NUP153: variants seen among roughly 807,000 people sequenced by gnomAD.
NUP153 encodes nuclear pore complex protein Nup153.
Under a neutral mutation model 134.6 loss-of-function variants are expected in NUP153, and 27 were observed. That is an observed-to-expected ratio of 0.20 (90% confidence interval 0.15 to 0.28). The LOEUF (loss-of-function observed/expected upper bound fraction) is 0.28, where lower values mean the gene tolerates loss of function less well. Among genes scored for constraint, NUP153 ranks in the 10% least tolerant of loss-of-function variants. The pLI, the probability that NUP153 is intolerant of heterozygous loss-of-function variation, is 1.00. For missense variants in NUP153, 1,821 were observed against 1,731.3 expected, an observed-to-expected ratio of 1.05 and a Z score of -0.92; for synonymous variants, 640 against 623.5, an observed-to-expected ratio of 1.03 and a Z score of -0.40.
chr6:17,671,847 A>G (rs1481868411), intron 5 of NUP153, among the ~76,000 whole-genome samples: 5 of 152,108 alleles, frequency 3.3e-5, no homozygotes, highest in African/African-American at 1.2e-4. Flanking sequence ...GTCTCTACTA[A>G]AAATACAAAA....
intron 18 of NUP153, among the ~76,000 whole-genome samples, chr6:17,627,283 G>A (rs1252776805): frequency 1.3e-5 from 2 of 152,124 alleles, no homozygotes; most frequent in Admixed American, 1.3e-4. Flanking sequence ...CAAATAATAT[G>A]TAATTTTAGT....
rs750782101 is a variant in NUP153 at position 17,629,202 on chromosome 6, T to C, written c.2997A>G (p.Gln999=). Residue 999 remains glutamine, a synonymous_variant, in exon 18 of 22, where the codon CAA becomes CAG. Coordinates refer to ENST00000262077, the MANE Select transcript of NUP153 (RefSeq NM_005124.4). ...CCTGTCCAAGATTAGATACCCCAAA[T>C]TGAAATGGAGTTAAAGAAACTGGGT... ...LSNPVSLTPF[Q]FGVSNLGQEE... The C allele has an allele frequency of 1.1e-5, 17 of 1,613,370 alleles. No individual in the cohort carries two copies. The highest frequency in any genetic ancestry group is 5.0e-5 in the Admixed American group (3 of 59,826).
intron 1 of NUP153, among the ~76,000 whole-genome samples, chr6:17,701,076 T>C (rs1770029745): frequency 6.6e-6 from 1 of 151,604 alleles, no homozygotes; most frequent in African/African-American, 2.4e-5. Flanking sequence ...AAATACAAAA[T>C]TAGCTGGGAG....
chr6:17,632,970 AAC>A (rs1242986070), intron 16 of NUP153, 126 bp from the exon 17 acceptor site: 3 of 661,540 alleles, frequency 4.5e-6, no homozygotes, highest in African/African-American at 1.8e-5. Context: ...TTCCTATTAA[AAC>A]ACAGAATGTG....
At chr6:17,664,822 G>C (rs1399239695) in intron 9 of NUP153, among the ~76,000 whole-genome samples, 1 of 152,076 alleles carries the variant, frequency 6.6e-6, no homozygotes, top group Non-Finnish European at 1.5e-5. Context: ...GGAGGCCAAG[G>C]CAGGTGGGTC....
intron 5 of NUP153, 41 bp from the exon 6 acceptor site, chr6:17,669,587 C>T (rs764609857): frequency 5.2e-5 from 68 of 1,307,848 alleles, no homozygotes; most frequent in Admixed American, 1.2e-4. Flanking sequence ...AACATAAAAT[C>T]TAAGGCACAT....
In NUP153 at chr6:17,637,871, C is replaced by T; in HGVS notation, c.1847-101G>A. On this transcript the variant is annotated intron_variant, in intron 15 of 21. Transcript: ENST00000262077. ...GAGAAGACGTTTACCTCACTGCACA[C>T]TTACTACAATCCAAGATGAACTACT... 17 of 1,270,336 alleles carry T rather than the reference C, an allele frequency of 1.3e-5. 1 individual carries two copies. The South Asian group carries it at 2.6e-4, about 20-fold the overall frequency. The allele number at this position is 1,270,336 out of a possible 1,614,324, so 78.7% of individuals were successfully genotyped here.
chr6:17,692,637 G>A (rs1367812147), intron 1 of NUP153, among the ~76,000 whole-genome samples: 3 of 152,154 alleles, frequency 2.0e-5, no homozygotes, highest in Non-Finnish European at 2.9e-5. Context: ...ACCTTTGTAG[G>A]TTAAATGACC....
chr6:17,616,290 G>GGGGGGGGGGGGGGC, intron 21 of NUP153, 109 bp from the exon 22 acceptor site: 1 of 473,892 alleles, frequency 2.1e-6, no homozygotes, highest in Non-Finnish European at 3.9e-6. Context: ...GGTGGGGGGG[G>GGGGGGGGGGGGGGC]AGTAGACTCA....
At chr6:17,620,981 C>T (rs1232964242) in intron 20 of NUP153, among the ~76,000 whole-genome samples, 2 of 152,072 alleles carry the variant, frequency 1.3e-5, no homozygotes, top group African/African-American at 4.8e-5. Context: ...GACTAATATC[C>T]AGAATACACA....
intron 1 of NUP153, among the ~76,000 whole-genome samples, chr6:17,703,128 G>A (rs866377883): frequency 5.5e-4 from 81 of 148,574 alleles, no homozygotes; most frequent in African/African-American, 1.9e-3. Flanking sequence ...AACCCAGGAG[G>A]CAAAGGTTGC....
chr6:17,672,448 C>G (rs1208756771), intron 5 of NUP153, among the ~76,000 whole-genome samples: 1 of 151,828 alleles, frequency 6.6e-6, no homozygotes, highest in Non-Finnish European at 1.5e-5. Flanking sequence ...TGGTGGCACA[C>G]GCCTGTGGTC....
In NUP153 at chr6:17,706,351, C is replaced by G; in HGVS notation, c.37G>C (p.Gly13Arg). ...SGAGGVGGGG[G>R]GKIRTRRCHQ... ...CAACGCCGCGTCCGGATCTTGCCGC[C>G]ACCGCCCCCTCCGACTCCTCCGGCT... The change falls in exon 1 of 22, where the codon GGC becomes CGC. Residue 13 changes from glycine (G) to arginine (R), a missense_variant. Gly to Arg is a moderately radical substitution (Grantham distance 125). Coordinates refer to ENST00000262077, the MANE Select transcript of NUP153 (RefSeq NM_005124.4). This position sits in a 1 kb window ranked among gnomAD's most constrained non-coding sequence, Gnocchi z 5.9. 6.2e-7 allele frequency: 1 copy of G among 1,613,336 alleles called. No individual in the cohort carries two copies. The highest frequency in any genetic ancestry group is 1.1e-5 in the South Asian group (1 of 91,086).
intron 2 of NUP153, among the ~76,000 whole-genome samples, chr6:17,677,779 G>C (rs1329206605): frequency 1.4e-5 from 2 of 142,292 alleles, no homozygotes; most frequent in Non-Finnish European, 3.0e-5. Context: ...GCCCAGGCTA[G>C]AGTGCAGTGG....
At position 17,672,712 on chromosome 6, in the gene NUP153, G is replaced by A. The variant is rs142461728; in HGVS notation, c.852+2193C>T. On this transcript the variant is annotated intron_variant, in intron 5 of 21. Coordinates refer to ENST00000262077, the MANE Select transcript of NUP153 (RefSeq NM_005124.4). Reference sequence around the variant, plus strand: ...AACAAAAAACAAAAAACCTTGGCCAGGCACACCTGTAATCTCAGAACTTTG... The same window carrying A: ...AACAAAAAACAAAAAACCTTGGCCAAGCACACCTGTAATCTCAGAACTTTG... Among the ~76,000 whole-genome samples the A allele has an allele frequency of 2.0e-3, 299 of 151,952 alleles. 1 individual carries two copies. The highest frequency in any genetic ancestry group is 6.7e-3 in the African/African-American group (277 of 41,438).
intron 2 of NUP153, among the ~76,000 whole-genome samples, chr6:17,681,178 A>G (rs1245038963): frequency 6.6e-6 from 1 of 152,006 alleles, no homozygotes; most frequent in Non-Finnish European, 1.5e-5. Context: ...GCACAAAAAG[A>G]CAACTATCAC....
chr6:17,640,524 TGAAAACCTATATGGTA>T (rs1765783465), intron 14 of NUP153, among the ~76,000 whole-genome samples: 2 of 152,248 alleles, frequency 1.3e-5, no homozygotes, highest in Non-Finnish European at 2.9e-5. Context: ...GTTATAATAT[TGAAAACCTATATGGTA>T]AAATATTAAA....
chr6:17,633,564 T>C (rs1765368422), intron 16 of NUP153, among the ~76,000 whole-genome samples: 1 of 152,078 alleles, frequency 6.6e-6, no homozygotes, highest in Non-Finnish European at 1.5e-5. Flanking sequence ...AGTGGCACCA[T>C]CACCAAGTGA....
At chr6:17,650,704 A>T (rs1766454442) in intron 11 of NUP153, among the ~76,000 whole-genome samples, 1 of 144,494 alleles carries the variant, frequency 6.9e-6, no homozygotes, top group African/African-American at 2.5e-5. Context: ...TTACCAAATG[A>T]AAATTCAGAT....
Sources: gnomAD v4.1 joint callset for allele counts (sites outside exome capture counted in the v4.1 genomes callset) on GRCh38, gnomAD v4.1.1 for gene constraint, Gnocchi (gnomAD v3.1) non-coding constraint, MANE v1.5 for transcripts, NCBI Gene and HGNC (gene_info 2026-07-23, HGNC 2026-07-21) for gene names.